Variants in DLGAP5 observed in about 807,000 individuals in gnomAD.
DLGAP5 encodes DLG associated protein 5.
A neutral mutation model predicts 99.6 loss-of-function variants in DLGAP5; 90 were observed. The ratio of observed to expected loss-of-function variants is 0.90; its 90% CI spans 0.76 to 1.08. The LOEUF is 1.08. Ranked by LOEUF, DLGAP5 falls within the 50% of genes least tolerant of loss-of-function variation. The probability of loss-of-function intolerance (pLI) is 0.00; values close to 1 mark genes in which losing one functional copy is unlikely to be tolerated. For missense variants in DLGAP5, 1,036 were observed against 983.5 expected (o/e 1.05, Z -0.71); for synonymous variants, 311 against 321.3 (o/e 0.97, Z 0.34).
intron 14 of DLGAP5, among the ~76,000 whole-genome samples, chr14:55,157,949 G>A (rs1000731913): frequency 1.3e-5 from 2 of 152,144 alleles, no homozygotes; most frequent in African/African-American, 2.4e-5. Flanking sequence ...TTTTTGTAGA[G>A]AGGGGATCTC....
intron 15 of DLGAP5, among the ~76,000 whole-genome samples, chr14:55,153,081 ACTATTT>A (rs550968331): frequency 1.1e-3 from 165 of 152,284 alleles, no homozygotes; most frequent in Non-Finnish European, 1.2e-3. Context: ...CTTCAATCAT[ACTATTT>A]CTATAATTTT....
At chr14:55,152,452 T>C in intron 16 of DLGAP5, 138 bp downstream of exon 16, 2 of 589,798 alleles carry the variant, frequency 3.4e-6, no homozygotes, top group East Asian at 3.1e-5. Flanking sequence ...CAAATGTCAT[T>C]GAAACAAGAA....
In DLGAP5 at chr14:55,158,543, T is replaced by G; in HGVS notation, c.1852A>C (p.Ser618Arg). 6.2e-7 allele frequency: 1 copy of G among 1,613,880 alleles called. No individual in the cohort carries two copies. Among genetic ancestry groups the G allele is most frequent in the Non-Finnish European group, 8.5e-7 (1 of 1,179,886 alleles). Residue 618 changes from serine (S) to arginine (R), a missense_variant, in exon 14 of 19, where the codon AGT becomes CGT. Coordinates refer to ENST00000247191, the MANE Select transcript of DLGAP5 (RefSeq NM_014750.5). ...VFDAGFFRVESPVKLFSGLSV... is the reference protein window; with the variant it reads ...VFDAGFFRVERPVKLFSGLSV... ...TAACCTGAGAATAATTTAACAGGAC[T>G]TTCAACTCTGAAAAATCCAGCATCG...
Position 55,180,770 on chromosome 14 carries a change from G to C in DLGAP5, c.589C>G (p.Pro197Ala). The C allele has an allele frequency of 1.2e-6, 2 of 1,614,082 alleles. No homozygotes were observed. The highest frequency in any genetic ancestry group is 2.2e-5 in the East Asian group (1 of 44,882). Residue 197 changes from proline to alanine, a missense_variant, in exon 6 of 19, where the codon CCT (proline) becomes GCT (alanine). Pro to Ala is a conservative substitution (Grantham distance 27). Transcript: ENST00000247191. ...ATTCTCAACGACGTGGGCATTACAG[G>C]CTGCACAACTGTGGGAAAAAAAAAT... is the stretch of plus-strand genomic sequence containing the variant. ...VSDKEKKVVQ[P>A]VMPTSLRMTR...
chr14:55,161,979 T>A (rs1320445366), intron 13 of DLGAP5, among the ~76,000 whole-genome samples: 1 of 151,850 alleles, frequency 6.6e-6, no homozygotes, highest in Non-Finnish European at 1.5e-5. Flanking sequence ...ACAGTTTTTA[T>A]TTGGATTACA....
intron 10 of DLGAP5, among the ~76,000 whole-genome samples, chr14:55,174,909 T>G (rs1201862340): frequency 6.6e-6 from 1 of 152,188 alleles, no homozygotes; most frequent in African/African-American, 2.4e-5. Flanking sequence ...CAGGATGGTC[T>G]CGATTTCTTG....
Position 55,154,952 on chromosome 14 carries a change from A to G in DLGAP5, c.1874-146T>C, listed in dbSNP as rs1022604879. On this transcript the variant is annotated intron_variant, in intron 14 of 18. Coordinates refer to ENST00000247191, the MANE Select transcript of DLGAP5 (RefSeq NM_014750.5). ...GACAAATGCCTGGGACTTTCTGTTA[A>G]AGATAGTATTTAAATGCATATTAGA... The G allele has an allele frequency of 1.9e-5, 13 of 688,076 alleles. No homozygotes were observed. The African/African-American group carries it at 2.2e-4, about 11-fold the overall frequency. 42.6% of individuals were successfully genotyped at this position (688,076 alleles called of 1,614,324 possible).
chr14:55,177,185 G>A lies in DLGAP5; in HGVS notation c.926C>T (p.Pro309Leu). ...CAGTGGCTGAAACATAAAATCCTTA[G>A]GTGCAAAGGAATTCTTCCCTTTTAT... ...AKIKGKNSFAPKDFMFQPLDG... is the reference protein window; with the variant it reads ...AKIKGKNSFALKDFMFQPLDG... Residue 309 changes from proline to leucine, a missense_variant, in exon 8 of 19, where the codon CCT becomes CTT. By Grantham distance (98) the Pro-to-Leu change is moderately conservative (BLOSUM62 -3). Coordinates refer to ENST00000247191, the MANE Select transcript of DLGAP5 (RefSeq NM_014750.5). The A allele has an allele frequency of 6.2e-7, 1 of 1,613,286 alleles. No homozygotes were observed. The highest frequency in any genetic ancestry group is 1.1e-5 in the South Asian group (1 of 90,942).
intron 13 of DLGAP5, among the ~76,000 whole-genome samples, chr14:55,162,576 G>A (rs559360153): frequency 1.5e-4 from 22 of 150,344 alleles, no homozygotes; most frequent in Admixed American, 2.7e-4. Context: ...CTGAGATCAC[G>A]CCACTGTACT....
In DLGAP5 at chr14:55,154,810, G is replaced by C. The variant is rs771096570; in HGVS notation, c.1874-4C>G. The C allele has an allele frequency of 6.2e-6, 10 of 1,612,302 alleles. No homozygotes were observed. The South Asian group carries it at 9.9e-5, about 16-fold the overall frequency. On this transcript the variant is annotated splice_region_variant and splice_polypyrimidine_tract_variant and intron_variant, in intron 14 of 18. Transcript: ENST00000247191. ...CCTTCAGAAGAGACAGAAAGTCCTAGAAGATGAGAGAAATCACCTCAATAC... is the reference window on the plus strand; with the variant it reads ...CCTTCAGAAGAGACAGAAAGTCCTACAAGATGAGAGAAATCACCTCAATAC...
At position 55,172,938 on chromosome 14, in the gene DLGAP5, C is replaced by T. The variant is rs376215159; in HGVS notation, c.1302-2151G>A. ...CAGAGGTTGCAAAGAGCCAAGATCG[C>T]GCCATTGCACTCCGGCCTGGGCAAC... On this transcript the variant is annotated intron_variant, in intron 10 of 18. Coordinates refer to ENST00000247191, the MANE Select transcript of DLGAP5 (RefSeq NM_014750.5). 7.1e-5 allele frequency among the ~76,000 whole-genome samples: 10 copies of T among 139,974 alleles called. No individual in the cohort carries two copies. The East Asian group carries it at 1.7e-3, about 24-fold the overall frequency. 91.8% of individuals were successfully genotyped at this position (139,974 alleles called of 152,430 possible).
In DLGAP5 at chr14:55,152,640, T is replaced by C. The variant is rs747622834; in HGVS notation, c.2071A>G (p.Ile691Val). The change falls in exon 16 of 19, where the codon ATA (isoleucine) becomes GTA (valine). Residue 691 changes from isoleucine to valine, a missense_variant. By Grantham distance (29) the Ile-to-Val change is conservative. Transcript: ENST00000247191. ...FLSIPESRSS[I>V]EDAQCPGLPD... ...AATCCAGGACACTGAGCATCTTCTA[T>C]GCTGCTCCTAAAGAAGAAAAAAAGC... 1.9e-6 allele frequency: 3 copies of C among 1,599,684 alleles called. No homozygotes were observed. Among genetic ancestry groups the C allele is most frequent in the Non-Finnish European group, 1.7e-6 (2 of 1,174,442 alleles).
intron 10 of DLGAP5, among the ~76,000 whole-genome samples, chr14:55,173,646 C>T (rs1041906348): frequency 1.3e-5 from 2 of 151,924 alleles, no homozygotes; most frequent in South Asian, 2.1e-4. Flanking sequence ...GGACCCCAAA[C>T]GGAGGGACTG....
chr14:55,181,302 T>C lies in DLGAP5; in HGVS notation c.496-5A>G. 2 of 1,612,682 alleles carry C rather than the reference T, an allele frequency of 1.2e-6. No individual in the cohort carries two copies. The highest frequency in any genetic ancestry group is 1.7e-6 in the Non-Finnish European group (2 of 1,178,980). On this transcript the variant is annotated splice_region_variant and splice_polypyrimidine_tract_variant and intron_variant, in intron 4 of 18. Coordinates refer to ENST00000247191, the MANE Select transcript of DLGAP5 (RefSeq NM_014750.5). ...AACATCACTCTCGTTATCAATCTAT[T>C]TAAGAGATTAGGTGCTATGTGATTT...
chr14:55,158,611 G>A lies in DLGAP5; in HGVS notation c.1784C>T (p.Thr595Ile). The part of the protein sequence containing the change: ...ERIRQEECAE[T>I]AVSVIPKEVD... ...TTCCTTTGGTATCACAGAAACTGCTGTTTCAGCACATTCTTCCTGCCTAAT... is the reference window on the plus strand; with the variant it reads ...TTCCTTTGGTATCACAGAAACTGCTATTTCAGCACATTCTTCCTGCCTAAT... The change falls in exon 14 of 19, where the codon ACA (threonine) becomes ATA (isoleucine). Residue 595 changes from threonine to isoleucine, a missense_variant. Thr to Ile is a moderately conservative substitution (Grantham distance 89). Coordinates refer to ENST00000247191, the MANE Select transcript of DLGAP5 (RefSeq NM_014750.5). The A allele has an allele frequency of 6.2e-7, 1 of 1,614,102 alleles. No homozygotes were observed. The highest frequency in any genetic ancestry group is 8.5e-7 in the Non-Finnish European group (1 of 1,179,996).
Position 55,180,778 on chromosome 14 carries a change from A to C in DLGAP5, c.581T>G (p.Val194Gly). 6.2e-7 allele frequency: 1 copy of C among 1,613,926 alleles called. No individual in the cohort carries two copies. Among genetic ancestry groups the C allele is most frequent in the South Asian group, 1.1e-5 (1 of 91,072 alleles). Residue 194 changes from valine to glycine, a missense_variant and splice_region_variant, in exon 6 of 19, where the codon GTT (valine) becomes GGT (glycine). Coordinates refer to ENST00000247191, the MANE Select transcript of DLGAP5 (RefSeq NM_014750.5). ...EKKVSDKEKKVVQPVMPTSLR... is the reference protein window; with the variant it reads ...EKKVSDKEKKGVQPVMPTSLR... ...CGACGTGGGCATTACAGGCTGCACA[A>C]CTGTGGGAAAAAAAAATAACTACAT...
At chr14:55,188,303 T>C (rs569904829) in intron 2 of DLGAP5, among the ~76,000 whole-genome samples, 10 of 152,310 alleles carry the variant, frequency 6.6e-5, no homozygotes, top group Non-Finnish European at 1.5e-4. Flanking sequence ...TCTATTTTCA[T>C]CTTTTTCTGA....
chr14:55,154,123 C>A (rs1882118172), intron 15 of DLGAP5, among the ~76,000 whole-genome samples: 1 of 151,442 alleles, frequency 6.6e-6, no homozygotes, highest in Admixed American at 6.6e-5. Context: ...ACATTAACTC[C>A]CCCCCCTTCA....
chr14:55,162,544 G>A (rs1030146580), intron 13 of DLGAP5, among the ~76,000 whole-genome samples: 13 of 151,862 alleles, frequency 8.6e-5, no homozygotes, highest in African/African-American at 2.2e-4. Flanking sequence ...GCGTGAACCC[G>A]GGAGGCGGAG....
Sources: allele counts gnomAD v4.1 joint callset (sites outside exome capture counted in the v4.1 genomes callset), GRCh38; gene constraint gnomAD v4.1.1; transcripts MANE v1.5; gene names NCBI Gene and HGNC (gene_info 2026-07-23, HGNC 2026-07-21).